ELK3: variants seen among roughly 807,000 people sequenced by gnomAD.
ELK3 encodes the protein ETS domain-containing protein Elk-3.
In ELK3, 10 loss-of-function variants were observed where a neutral mutation model predicts 28.9. The ratio of observed to expected loss-of-function variants is 0.35; its 90% confidence interval spans 0.21 to 0.59. The LOEUF is 0.59. ELK3 is among the 20% of genes least tolerant of loss of function. ELK3 has a pLI of 0.82. For synonymous variants in ELK3, 272 were observed against 243.5 expected, an observed-to-expected ratio of 1.12 and a Z score of -1.09; for missense variants, 463 against 517.3, an observed-to-expected ratio of 0.90 and a Z score of 1.02.
intron 2 of ELK3, among the ~76,000 whole-genome samples, chr12:96,225,087 A>T (rs1481494051): frequency 1.3e-5 from 2 of 152,176 alleles, no homozygotes; most frequent in Admixed American, 1.3e-4. Context: ...CTTCTTGCAA[A>T]TTGCACTGTC....
intron 3 of ELK3, among the ~76,000 whole-genome samples, chr12:96,249,876 C>A (rs932094890): frequency 6.6e-6 from 1 of 150,842 alleles, no homozygotes; most frequent in African/African-American, 2.4e-5. Context: ...AAGCCACCAG[C>A]ATGGCCTGAA....
In ELK3 at chr12:96,259,742, A is replaced by G; in HGVS notation, c.1014A>G (p.Gly338=). 4 of 1,608,716 alleles carry G rather than the reference A, an allele frequency of 2.5e-6. No homozygotes were observed. Among genetic ancestry groups the G allele is most frequent in the Non-Finnish European group, 2.5e-6 (3 of 1,177,634 alleles). The part of the protein sequence containing the change: ...PAFFTAQTPN[G]LLLTPSPLLS... ...GCTTTACTTCCCAGACACCAAATGGATTGCTTCTGACTCCGAGTCCACTGC... is the reference window on the plus strand; with the variant it reads ...GCTTTACTTCCCAGACACCAAATGGGTTGCTTCTGACTCCGAGTCCACTGC... Residue 338 remains glycine, a synonymous_variant, in exon 4 of 5, where the codon GGA becomes GGG. Coordinates refer to ENST00000228741, the MANE Select transcript of ELK3 (RefSeq NM_005230.4).
At chr12:96,246,708 A>T (rs1253221698) in intron 2 of ELK3, among the ~76,000 whole-genome samples, 2 of 152,146 alleles carry the variant, frequency 1.3e-5, no homozygotes, top group South Asian at 2.1e-4. Flanking sequence ...CAGACGAGGA[A>T]ACTCAAAGTG....
intron 1 of ELK3, among the ~76,000 whole-genome samples, chr12:96,210,561 G>GCGCACACACACACACACACA (rs1555193024): frequency 1.3e-4 from 19 of 144,840 alleles, no homozygotes; most frequent in Admixed American, 6.2e-4. Context: ...GCGCGCGGGC[G>GCGCACACACACACACACACA]CACGCACACA....
chr12:96,259,884 T>A, intron 4 of ELK3, 31 bp downstream of exon 4: 1 of 1,565,432 alleles, frequency 6.4e-7, no homozygotes, highest in Non-Finnish European at 8.6e-7. Context: ...TTTTGAACAT[T>A]AAGCTTCTGA....
chr12:96,232,157 C>G (rs1398736644), intron 2 of ELK3, among the ~76,000 whole-genome samples: 1 of 152,158 alleles, frequency 6.6e-6, no homozygotes, highest in Non-Finnish European at 1.5e-5. Flanking sequence ...ATGAGTTTGA[C>G]CTTTCAAGCA....
intron 1 of ELK3, among the ~76,000 whole-genome samples, chr12:96,204,669 A>G (rs1951528916): frequency 6.6e-6 from 1 of 152,238 alleles, no homozygotes; most frequent in South Asian, 2.1e-4. Context: ...GTGGGAATCA[A>G]CAGTAGGAGT....
chr12:96,220,612 C>T (rs1260675706), intron 1 of ELK3, among the ~76,000 whole-genome samples: 1 of 151,890 alleles, frequency 6.6e-6, no homozygotes, highest in Non-Finnish European at 1.5e-5. Flanking sequence ...TGGTCTTGAA[C>T]TCCTCCTGAC....
chr12:96,256,066 C>T (rs1951945662), intron 3 of ELK3, among the ~76,000 whole-genome samples: 1 of 152,136 alleles, frequency 6.6e-6, no homozygotes, highest in Non-Finnish European at 1.5e-5. Flanking sequence ...GTTGAGTGAA[C>T]TCAGTGTTTG....
At chr12:96,209,381 A>C (rs1221472167) in intron 1 of ELK3, among the ~76,000 whole-genome samples, 1 of 152,206 alleles carries the variant, frequency 6.6e-6, no homozygotes, top group African/African-American at 2.4e-5. Flanking sequence ...AAGATTTTAC[A>C]GTTTCAACAC....
chr12:96,264,455 C>CTA (rs1447240355), intron 4 of ELK3, among the ~76,000 whole-genome samples: 2 of 152,100 alleles, frequency 1.3e-5, no homozygotes, highest in African/African-American at 4.8e-5. Flanking sequence ...GCAAAGATTA[C>CTA]TAAGTGATTA....
intron 1 of ELK3, among the ~76,000 whole-genome samples, chr12:96,200,538 C>A (rs1383894465): frequency 2.0e-5 from 3 of 152,144 alleles, no homozygotes. Context: ...GGTTCTGTCA[C>A]CCAGGCTGGA....
At chr12:96,250,660 A>C (rs1238767885) in intron 3 of ELK3, among the ~76,000 whole-genome samples, 2 of 152,200 alleles carry the variant, frequency 1.3e-5, no homozygotes, top group Non-Finnish European at 2.9e-5. Flanking sequence ...GGCAGCAGTG[A>C]GGCTTCAGTG....
Position 96,247,194 on chromosome 12 carries a change from A to T in ELK3, c.462A>T (p.Pro154=), listed in dbSNP as rs755735999. Residue 154 remains proline (P), a synonymous_variant, in exon 3 of 5, where the codon CCA becomes CCT. Transcript: ENST00000228741. The surrounding 1 kb of genome is among the most constrained non-coding windows in gnomAD (Gnocchi z 5.5). ...TCACCATTAATTCCCTGCAGAACCCACCAGACGCCTTCAAGGCCATCAAGA... is the reference window on the plus strand; with the variant it reads ...TCACCATTAATTCCCTGCAGAACCCTCCAGACGCCTTCAAGGCCATCAAGA... ...SSFTINSLQN[P]PDAFKAIKTE... is the part of the protein sequence containing the mutation. 1 of 1,614,060 alleles carries T rather than the reference A, an allele frequency of 6.2e-7. No homozygotes were observed. The highest frequency in any genetic ancestry group is 8.5e-7 in the Non-Finnish European group (1 of 1,179,980).
At chr12:96,209,846 C>G (rs1226840298) in intron 1 of ELK3, among the ~76,000 whole-genome samples, 1 of 151,574 alleles carries the variant, frequency 6.6e-6, no homozygotes, top group Non-Finnish European at 1.5e-5. Context: ...CTGACTTTAC[C>G]CCTTCTACAG....
At chr12:96,211,234 T>C (rs997781063) in intron 1 of ELK3, among the ~76,000 whole-genome samples, 2 of 152,242 alleles carry the variant, frequency 1.3e-5, no homozygotes, top group Non-Finnish European at 2.9e-5. Flanking sequence ...TCTTTAGGTA[T>C]GGGCGCTGTT....
chr12:96,243,697 A>T (rs186353066), intron 2 of ELK3, among the ~76,000 whole-genome samples: 1 of 152,272 alleles, frequency 6.6e-6, no homozygotes, highest in East Asian at 1.9e-4. Flanking sequence ...AAAAAAAATT[A>T]GCCAGGCATG....
intron 3 of ELK3, among the ~76,000 whole-genome samples, chr12:96,251,331 G>A (rs1951904455): frequency 6.6e-6 from 1 of 152,076 alleles, no homozygotes; most frequent in Admixed American, 6.5e-5. Context: ...AGTGTTGTGT[G>A]TGTCCCAACT....
At chr12:96,234,383 C>T (rs915014885) in intron 2 of ELK3, among the ~76,000 whole-genome samples, 5 of 152,188 alleles carry the variant, frequency 3.3e-5, no homozygotes, top group Admixed American at 2.0e-4. Flanking sequence ...ACCGAGTCTG[C>T]GTTTGCCAGC....
Sources: allele counts gnomAD v4.1 joint callset (sites outside exome capture counted in the v4.1 genomes callset), GRCh38; gene constraint gnomAD v4.1.1; non-coding constraint Gnocchi (gnomAD v3.1); transcripts MANE v1.5; gene names NCBI Gene and HGNC (gene_info 2026-07-23, HGNC 2026-07-21).